The following URGCP variants were observed in gnomAD, a reference collection of about 807,000 sequenced individuals.
The protein encoded by URGCP is up-regulator of cell proliferation.
In URGCP, 13 loss-of-function variants were observed where a neutral mutation model predicts 24.6. That is an observed-to-expected ratio of 0.53 (90% confidence interval 0.34 to 0.84). The LOEUF is 0.84. URGCP is among the 40% of genes least tolerant of loss of function. URGCP has a pLI of 0.01. For synonymous variants in URGCP, 444 were observed against 487.2 expected (o/e 0.91, Z 1.17); for missense variants, 899 against 1,194.3 (o/e 0.75, Z 3.64).
chr7:43,889,631 T>G (rs1353846479), intron 1 of URGCP: 1 of 152,192 alleles, frequency 6.6e-6, no homozygotes, highest in Non-Finnish European at 1.5e-5. Context: ...TGTTTGAAAA[T>G]TATACCCTAT....
At chr7:43,914,548 CCTCT>C (rs1289327945) in intron 1 of URGCP, among the ~76,000 whole-genome samples, 1 of 151,128 alleles carries the variant, frequency 6.6e-6, no homozygotes. Flanking sequence ...GTGTGGATCT[CCTCT>C]CTGAGTTCAT....
intron 4 of URGCP, 67 bp from the exon 5 acceptor site, chr7:43,881,764 T>C (rs2095854236): frequency 3.1e-6 from 5 of 1,613,228 alleles, no homozygotes; most frequent in Middle Eastern, 1.7e-4. Flanking sequence ...CACAAATTAA[T>C]TGAAGCTAAA....
At chr7:43,926,473 G>T, upstream of URGCP, 1 of 1,414,478 alleles carries the variant, frequency 7.1e-7, no homozygotes. Flanking sequence ...GGCTGAGCCG[G>T]CAGCGGGCCG....
chr7:43,893,338 T>G (rs373484614), intron 1 of URGCP, among the ~76,000 whole-genome samples: 1 of 151,942 alleles, frequency 6.6e-6, no homozygotes, highest in East Asian at 1.9e-4. Context: ...TCAAAAAAAA[T>G]ATGTATTTTT....
intron 1 of URGCP, among the ~76,000 whole-genome samples, chr7:43,893,015 C>T (rs914183599): frequency 6.6e-6 from 1 of 150,700 alleles, no homozygotes; most frequent in African/African-American, 2.5e-5. Context: ...TGAACGAGAC[C>T]CCTATCTCTA....
intron 2 of URGCP, 136 bp downstream of exon 2, chr7:43,887,654 T>G: frequency 6.7e-7 from 1 of 1,483,184 alleles, no homozygotes; most frequent in South Asian, 1.4e-5. Context: ...TGGGTATCAC[T>G]GCTTTTAAAA....
At chr7:43,887,554 G>T in intron 2 of URGCP, 69 bp from the exon 3 acceptor site, 1 of 1,569,516 alleles carries the variant, frequency 6.4e-7, no homozygotes, top group Non-Finnish European at 8.6e-7. Context: ...CAAACTGGCC[G>T]CATATAAAAT....
chr7:43,905,655 A>C (rs2132713861), intron 1 of URGCP: 1 of 152,282 alleles, frequency 6.6e-6, no homozygotes, highest in Middle Eastern at 3.4e-3. Context: ...CTGAATGGCT[A>C]TCACAGCCAC....
At chr7:43,910,346 G>A (rs2095908637), upstream of URGCP, among the ~76,000 whole-genome samples, 1 of 150,652 alleles carries the variant, frequency 6.6e-6, no homozygotes, top group Admixed American at 6.6e-5. Flanking sequence ...CTCCTAAGTA[G>A]CTGGGACTAC....
chr7:43,903,589 T>C (rs1436112768), intron 1 of URGCP, among the ~76,000 whole-genome samples: 1 of 152,218 alleles, frequency 6.6e-6, no homozygotes, highest in African/African-American at 2.4e-5. Context: ...TGAGGAGCTG[T>C]ATCTAGTGTA....
intron 1 of URGCP, among the ~76,000 whole-genome samples, chr7:43,916,960 C>T (rs1323143159): frequency 6.6e-6 from 1 of 152,118 alleles, no homozygotes; most frequent in Non-Finnish European, 1.5e-5. Context: ...TAAATAAATG[C>T]CTTCTTATTC....
upstream of URGCP, among the ~76,000 whole-genome samples, chr7:43,911,187 G>A (rs1167414039): frequency 6.6e-6 from 1 of 152,254 alleles, no homozygotes; most frequent in East Asian, 1.9e-4. Flanking sequence ...GATCACTTGA[G>A]GTCAGGAGTT....
At chr7:43,897,022 A>G (rs558472721) in intron 1 of URGCP, among the ~76,000 whole-genome samples, 7 of 152,248 alleles carry the variant, frequency 4.6e-5, no homozygotes, top group South Asian at 2.1e-4. Flanking sequence ...ACAGTTCAAC[A>G]AGGCAAGGGG....
chr7:43,886,550 C>T (rs886712279), intron 3 of URGCP, among the ~76,000 whole-genome samples: 3 of 151,998 alleles, frequency 2.0e-5, no homozygotes. Flanking sequence ...GTCAGGAGTT[C>T]GAGACCAGCC....
At chr7:43,918,741 C>T (rs1024335035) in intron 1 of URGCP, 1 of 780,906 alleles carries the variant, frequency 1.3e-6, no homozygotes, top group African/African-American at 1.7e-5. Context: ...GTGCAGCAAT[C>T]AGATTGGGTT....
In URGCP at chr7:43,906,397, C is replaced by G. The variant is rs888044071; in HGVS notation, c.14+165G>C. On this transcript the variant is annotated intron_variant, in intron 1 of 5. Coordinates refer to ENST00000453200, the MANE Select transcript of URGCP (RefSeq NM_001077663.3). The stretch of plus-strand genomic sequence containing the variant: ...CCCGCGCGGCCGGTCCGCCCAAGGT[C>G]GGCGCGAGCGGGCCGTGGGCCTGGT... The G allele has an allele frequency of 5.3e-5, 42 of 788,844 alleles. 1 individual carries two copies. The highest frequency in any genetic ancestry group is 6.4e-5 in the Non-Finnish European group (42 of 651,822). 48.9% of individuals were successfully genotyped at this position (788,844 alleles called of 1,614,324 possible).
chr7:43,884,243 G>A (rs1346426358), intron 3 of URGCP, among the ~76,000 whole-genome samples: 2 of 152,194 alleles, frequency 1.3e-5, no homozygotes, highest in East Asian at 1.9e-4. Context: ...CTGATGTTCT[G>A]CAGCCATCAG....
chr7:43,892,411 G>A (rs1178463113), intron 1 of URGCP, among the ~76,000 whole-genome samples: 3 of 151,082 alleles, frequency 2.0e-5, no homozygotes, highest in East Asian at 1.9e-4. Flanking sequence ...GAGCCACCGC[G>A]AACAGCCCCA....
rs1002832860 is a variant in URGCP, at chr7:43,879,086, T to C, written c.377A>G (p.Asn126Ser). 21 of 1,614,040 alleles carry C rather than the reference T, an allele frequency of 1.3e-5. No homozygotes were observed. The highest frequency in any genetic ancestry group is 1.6e-4 in the Middle Eastern group (1 of 6,084). The change falls in exon 6 of 6, where the codon AAT (asparagine) becomes AGT (serine). Residue 126 changes from asparagine to serine, a missense_variant. Physicochemically the swap from Asn to Ser is conservative, Grantham distance 46. Transcript: ENST00000453200. ...WNFLRKLQAL[N>S]ADARNTTMVL... ...CATAGTGGTATTCCTGGCATCAGCA[T>C]TGAGGGCCTGCAACTTCCTGAGGAA... is the stretch of plus-strand genomic sequence containing the variant.
Sources: allele counts gnomAD v4.1 joint callset (sites outside exome capture counted in the v4.1 genomes callset), GRCh38; gene constraint gnomAD v4.1.1; transcripts MANE v1.5; gene names NCBI Gene and HGNC (gene_info 2026-07-23, HGNC 2026-07-21).